TRPM7: variants seen among roughly 807,000 people sequenced by gnomAD.
The protein encoded by TRPM7 is transient receptor potential cation channel subfamily M member 7, also known as LTRPC ion channel family member 7.
TRPM7 carries 134 observed loss-of-function variants against 229.7 expected under a neutral mutation model. The observed-to-expected ratio is 0.58, with a 90% CI of 0.51 to 0.67. The LOEUF (loss-of-function observed/expected upper bound fraction) is 0.67, where lower values mean the gene tolerates loss of function less well. Among genes scored for constraint, TRPM7 ranks in the 30% least tolerant of loss-of-function variants. The pLI, the probability that TRPM7 is intolerant of heterozygous loss-of-function variation, is 0.00. For missense variants in TRPM7, 1,901 were observed against 2,210.0 expected, an observed-to-expected ratio of 0.86 and a Z score of 2.80; for synonymous variants, 699 against 715.2, an observed-to-expected ratio of 0.98 and a Z score of 0.36.
At chr15:50,618,264 C>A (rs2060283748) in intron 13 of TRPM7, among the ~76,000 whole-genome samples, 1 of 151,984 alleles carries the variant, frequency 6.6e-6, no homozygotes, top group South Asian at 2.1e-4. Context: ...TCATCACCAC[C>A]AATACTAGAT....
intron 27 of TRPM7, among the ~76,000 whole-genome samples, chr15:50,588,580 C>A (rs558271141): frequency 6.6e-6 from 1 of 152,278 alleles, no homozygotes; most frequent in East Asian, 1.9e-4. Flanking sequence ...GAAACTCCTA[C>A]GTCATTATCA....
intron 1 of TRPM7, among the ~76,000 whole-genome samples, chr15:50,674,145 C>T (rs57747225): frequency 0.03 from 4,544 of 152,186 alleles, 244 homozygotes; most frequent in African/African-American, 0.1. Context: ...CCTGCCACCA[C>T]GCCCAGCTAA....
intron 31 of TRPM7, 107 bp from the exon 32 acceptor site, chr15:50,576,026 G>A (rs544370319): frequency 8.5e-7 from 1 of 1,177,430 alleles, no homozygotes; most frequent in African/African-American, 1.5e-5. Context: ...TAGTGTAACT[G>A]TTCCTCACAA....
At chr15:50,582,663 T>A (rs949856023) in intron 29 of TRPM7, among the ~76,000 whole-genome samples, 1 of 152,230 alleles carries the variant, frequency 6.6e-6, no homozygotes. Context: ...AGAACAGATA[T>A]ATTTTGAATG....
At chr15:50,631,574 G>A in intron 9 of TRPM7, 85 bp from the exon 10 acceptor site, 1 of 789,226 alleles carries the variant, frequency 1.3e-6, no homozygotes, top group East Asian at 2.6e-5. Flanking sequence ...AAACTATATG[G>A]GGGGCAAAAT....
chr15:50,658,231 T>A (rs1028006245), intron 2 of TRPM7, among the ~76,000 whole-genome samples: 2 of 152,040 alleles, frequency 1.3e-5, no homozygotes, highest in Admixed American at 1.3e-4. Context: ...GGTCTCGATC[T>A]CCTGACCTTG....
chr15:50,645,315 T>C (rs1018329420), intron 4 of TRPM7, among the ~76,000 whole-genome samples: 7 of 152,098 alleles, frequency 4.6e-5, no homozygotes, highest in Non-Finnish European at 1.0e-4. Context: ...GTGCTGGGAT[T>C]ATAGGCATGA....
intron 16 of TRPM7, among the ~76,000 whole-genome samples, chr15:50,611,664 T>C (rs146220846): frequency 5.6e-4 from 86 of 152,296 alleles, no homozygotes; most frequent in African/African-American, 2.0e-3. Context: ...AGAAAACAGT[T>C]GGTACCTGGT....
At chr15:50,672,545 G>T (rs1337800825) in intron 1 of TRPM7, among the ~76,000 whole-genome samples, 5 of 151,964 alleles carry the variant, frequency 3.3e-5, no homozygotes, top group African/African-American at 1.2e-4. Flanking sequence ...GTAGGCCTAG[G>T]CTAACGTGTA....
At chr15:50,674,034 G>A (rs998297492) in intron 1 of TRPM7, among the ~76,000 whole-genome samples, 2 of 152,166 alleles carry the variant, frequency 1.3e-5, no homozygotes, top group Non-Finnish European at 2.9e-5. Context: ...TGTCGCCCAG[G>A]CTGGAGGGCA....
intron 19 of TRPM7, among the ~76,000 whole-genome samples, 195 bp from the exon 20 acceptor site, chr15:50,607,523 T>C (rs1249880696): frequency 6.6e-6 from 1 of 152,178 alleles, no homozygotes; most frequent in East Asian, 1.9e-4. Flanking sequence ...GTATAAATGG[T>C]CCCCAGAGTA....
At chr15:50,666,457 A>T (rs929524411) in intron 1 of TRPM7, among the ~76,000 whole-genome samples, 2 of 151,622 alleles carry the variant, frequency 1.3e-5, no homozygotes, top group African/African-American at 2.4e-5. Flanking sequence ...TAGAAGGGAG[A>T]AAGAAGAGGA....
Position 50,569,872 on chromosome 15 carries a change from T to C in TRPM7, c.5467+15A>G. On this transcript the variant is annotated intron_variant, in intron 38 of 38. Transcript: ENST00000646667. ...GTAACAATTTATATACTATACTGATTAAGAAATTTTTTACCTGGAAGTTTA... is the reference window on the plus strand; with the variant it reads ...GTAACAATTTATATACTATACTGATCAAGAAATTTTTTACCTGGAAGTTTA... The C allele has an allele frequency of 1.3e-6, 2 of 1,572,164 alleles. No homozygotes were observed. The highest frequency in any genetic ancestry group is 1.7e-6 in the Non-Finnish European group (2 of 1,150,602).
chr15:50,605,188 C>T (rs751225170), intron 20 of TRPM7, 44 bp from the exon 21 acceptor site: 15 of 1,454,002 alleles, frequency 1.0e-5, no homozygotes, highest in Middle Eastern at 2.5e-4. Flanking sequence ...TCAGTTTATT[C>T]CTATTAAAAC....
intron 1 of TRPM7, among the ~76,000 whole-genome samples, chr15:50,666,703 G>C (rs1359745224): frequency 6.6e-6 from 1 of 151,934 alleles, no homozygotes; most frequent in Non-Finnish European, 1.5e-5. Context: ...TTGGAAGGCT[G>C]AGGCAGGAGA....
At chr15:50,568,696 T>C (rs139586240) in intron 38 of TRPM7, among the ~76,000 whole-genome samples, 1 of 152,136 alleles carries the variant, frequency 6.6e-6, no homozygotes, top group East Asian at 1.9e-4. Context: ...ACACAAGGGC[T>C]GGGCGTGGTG....
intron 3 of TRPM7, among the ~76,000 whole-genome samples, chr15:50,653,707 T>C (rs1045839785): frequency 2.0e-5 from 3 of 151,906 alleles, no homozygotes; most frequent in East Asian, 1.9e-4. Flanking sequence ...GTTGAAACAG[T>C]TGGAATTTGT....
intron 10 of TRPM7, among the ~76,000 whole-genome samples, chr15:50,628,517 G>T (rs1008113659): frequency 3.9e-5 from 6 of 152,062 alleles, no homozygotes; most frequent in African/African-American, 1.4e-4. Context: ...TGCTGACCAG[G>T]CTGGTCTCAA....
intron 3 of TRPM7, among the ~76,000 whole-genome samples, chr15:50,653,566 G>A (rs190983821): frequency 6.6e-6 from 1 of 152,252 alleles, no homozygotes; most frequent in Admixed American, 6.5e-5. Flanking sequence ...CTTGAAATGA[G>A]GGAAACACAT....
Sources: allele counts gnomAD v4.1 joint callset (sites outside exome capture counted in the v4.1 genomes callset), GRCh38; gene constraint gnomAD v4.1.1; transcripts MANE v1.5; gene names NCBI Gene and HGNC (gene_info 2026-07-23, HGNC 2026-07-21).